Variants in NKAIN3 observed in about 807,000 individuals in gnomAD.
The protein encoded by NKAIN3 is sodium/potassium transporting ATPase interacting 3, also known as sodium/potassium-transporting ATPase subunit beta-1-interacting protein 3.
NKAIN3 carries 25 observed loss-of-function variants against 30.2 expected under a neutral mutation model. That is an observed-to-expected ratio of 0.83 (90% CI 0.60 to 1.16). NKAIN3 has a LOEUF of 1.16. NKAIN3 is among the 50% of genes most tolerant of loss of function. The probability of loss-of-function intolerance (pLI) is 0.00; values close to 1 mark genes in which losing one functional copy is unlikely to be tolerated. For synonymous variants in NKAIN3, 91 were observed against 89.6 expected, an observed-to-expected ratio of 1.02 and a Z score of -0.09; for missense variants, 225 against 254.1, an observed-to-expected ratio of 0.89 and a Z score of 0.78.
rs1805703705 is a variant in NKAIN3 at position 62,453,135 on chromosome 8, A to T, written c.55-126404A>T. Among the ~76,000 whole-genome samples the T allele has an allele frequency of 2.6e-5, 4 of 152,224 alleles. 1 individual carries two copies. The highest frequency in any genetic ancestry group is 2.1e-4 in the South Asian group (1 of 4,834). ...TTTAAAATAAGTTAAGCAATTATTT[A>T]AAAAGATGTATATAAACCTTTAGTT... On this transcript the variant is annotated intron_variant, in intron 1 of 6. Coordinates refer to ENST00000623646, the MANE Select transcript of NKAIN3 (RefSeq NM_001304533.3).
At chr8:62,814,359 T>A (rs2883012) in intron 4 of NKAIN3, among the ~76,000 whole-genome samples, 134,101 of 151,400 alleles carry the variant, frequency 0.89, 59,543 homozygotes, top group African/African-American at 0.91. Flanking sequence ...TTTTAAACAT[T>A]AACAATTTGG....
At chr8:62,622,202 G>T (rs1396721922) in intron 3 of NKAIN3, among the ~76,000 whole-genome samples, 2 of 151,890 alleles carry the variant, frequency 1.3e-5, no homozygotes, top group South Asian at 4.2e-4. Context: ...AGGATATCTT[G>T]GTTCTTTCAA....
chr8:62,915,045 A>T (rs889344052), intron 4 of NKAIN3, among the ~76,000 whole-genome samples: 1 of 151,822 alleles, frequency 6.6e-6, no homozygotes, highest in Non-Finnish European at 1.5e-5. Context: ...AGAACATGAG[A>T]TGTTTGGTTT....
chr8:62,585,986 A>T (rs1464495065), intron 2 of NKAIN3, among the ~76,000 whole-genome samples: 1 of 152,204 alleles, frequency 6.6e-6, no homozygotes, highest in African/African-American at 2.4e-5. Context: ...GCAGGTTTTA[A>T]CTCACATGCA....
intron 6 of NKAIN3, among the ~76,000 whole-genome samples, chr8:62,959,618 G>A (rs1183138913): frequency 1.3e-5 from 2 of 152,106 alleles, no homozygotes; most frequent in African/African-American, 4.8e-5. Flanking sequence ...TCCTTAATTA[G>A]CCTTCACATC....
intron 1 of NKAIN3, among the ~76,000 whole-genome samples, chr8:62,447,209 C>A (rs1168088108): frequency 1.3e-5 from 2 of 151,994 alleles, no homozygotes; most frequent in African/African-American, 4.8e-5. Flanking sequence ...CATGTGGCCA[C>A]CTTATCCCTT....
At chr8:62,741,159 G>A (rs1563540424) in intron 3 of NKAIN3, among the ~76,000 whole-genome samples, 1 of 152,048 alleles carries the variant, frequency 6.6e-6, no homozygotes, top group Admixed American at 6.6e-5. Flanking sequence ...AGAAAATTTA[G>A]TAGTCTTTTT....
At chr8:62,870,485 T>C (rs1446258774) in intron 4 of NKAIN3, among the ~76,000 whole-genome samples, 1 of 136,944 alleles carries the variant, frequency 7.3e-6, no homozygotes, top group Non-Finnish European at 1.5e-5. Flanking sequence ...GTATATAATG[T>C]ACAATAAGTA....
intron 1 of NKAIN3, among the ~76,000 whole-genome samples, chr8:62,501,922 G>C (rs187000442): frequency 6.6e-6 from 1 of 152,240 alleles, no homozygotes; most frequent in Admixed American, 6.5e-5. Context: ...TTTTCTCAGT[G>C]AATGCATTTT....
At chr8:62,460,124 A>C (rs888725341) in intron 1 of NKAIN3, among the ~76,000 whole-genome samples, 1 of 152,156 alleles carries the variant, frequency 6.6e-6, no homozygotes, top group Non-Finnish European at 1.5e-5. Flanking sequence ...GCAATAAGAA[A>C]ACTGGCAGCC....
Position 62,966,283 on chromosome 8 carries a change from A to C in NKAIN3, c.*876A>C. ...GCCTGAAAATGCTGTAGCATTCTCTATAAATACTTCTAAAGGAGACATTCA... is the reference window on the plus strand; with the variant it reads ...GCCTGAAAATGCTGTAGCATTCTCTCTAAATACTTCTAAAGGAGACATTCA... On this transcript the variant is annotated 3_prime_UTR_variant, in exon 7 of 7. Transcript: ENST00000623646. The C allele has an allele frequency of 1.0e-6, 1 of 985,082 alleles. No individual in the cohort carries two copies. Among genetic ancestry groups the C allele is most frequent in the Non-Finnish European group, 1.2e-6 (1 of 829,636 alleles). The allele number at this position is 985,082 out of a possible 1,614,324, so 61.0% of individuals were successfully genotyped here. A position where few individuals can be genotyped will look rare whatever the true frequency, so the allele number is the denominator to read the frequency against.
chr8:62,314,762 A>G lies in NKAIN3; in HGVS notation c.54+65635A>G, dbSNP rs6983161. 8.9e-3 allele frequency among the ~76,000 whole-genome samples: 1,363 copies of G among 152,294 alleles called. 30 individuals are homozygous for G. The highest frequency in any genetic ancestry group is 0.031 in the African/African-American group (1,288 of 41,572). ...CGTCTTTCTGAATAACATGTTTGCC[A>G]CCAATAATCAAAACACAGCTTACCT... On this transcript the variant is annotated intron_variant, in intron 1 of 6. Coordinates refer to ENST00000623646, the MANE Select transcript of NKAIN3 (RefSeq NM_001304533.3).
At chr8:62,852,093 T>G (rs1448668476) in intron 4 of NKAIN3, among the ~76,000 whole-genome samples, 1 of 152,180 alleles carries the variant, frequency 6.6e-6, no homozygotes, top group Non-Finnish European at 1.5e-5. Context: ...CCTGGACTTT[T>G]TTTGGTTGGT....
intron 1 of NKAIN3, among the ~76,000 whole-genome samples, chr8:62,352,207 A>C (rs973587692): frequency 2.0e-5 from 3 of 152,176 alleles, no homozygotes; most frequent in Non-Finnish European, 4.4e-5. Context: ...AGAGGTGCTG[A>C]GACACTTCTG....
chr8:62,681,209 A>G (rs763640489), intron 3 of NKAIN3, among the ~76,000 whole-genome samples: 4 of 152,196 alleles, frequency 2.6e-5, no homozygotes, highest in Non-Finnish European at 4.4e-5. Flanking sequence ...AATGCTAATA[A>G]TGCTTTAGAA....
chr8:62,870,233 TAGATATCTATAG>T (rs1563603872), intron 4 of NKAIN3, among the ~76,000 whole-genome samples: 12 of 141,458 alleles, frequency 8.5e-5, no homozygotes, highest in African/African-American at 3.3e-4. Context: ...TATCTATATA[TAGATATCTATAG>T]ATATCTATAT....
At chr8:62,685,125 C>T (rs1813757339) in intron 3 of NKAIN3, among the ~76,000 whole-genome samples, 1 of 152,144 alleles carries the variant, frequency 6.6e-6, no homozygotes, top group Admixed American at 6.5e-5. Flanking sequence ...CAATGGTTTT[C>T]TGCCCAAGAA....
In NKAIN3 at chr8:62,825,270, G is replaced by A. The variant is rs115431779; in HGVS notation, c.471+78141G>A. Reference sequence around the variant, plus strand: ...GAGTGATCTTATTTATAACTCCCATGGACTATTCTGTTTTACTAGACACAT... The same window carrying A: ...GAGTGATCTTATTTATAACTCCCATAGACTATTCTGTTTTACTAGACACAT... On this transcript the variant is annotated intron_variant, in intron 4 of 6. Transcript: ENST00000623646. Among the ~76,000 whole-genome samples, 417 of 152,254 alleles carry A rather than the reference G, an allele frequency of 2.7e-3. 3 individuals carry two copies. Among genetic ancestry groups the A allele is most frequent in the African/African-American group, 9.7e-3 (402 of 41,538 alleles).
At chr8:62,788,347 T>G (rs1326616347) in intron 4 of NKAIN3, among the ~76,000 whole-genome samples, 5 of 149,972 alleles carry the variant, frequency 3.3e-5, no homozygotes, top group Admixed American at 6.7e-5. Context: ...TTTTGAGAAG[T>G]GTCTGTTCAT....
Sources: gnomAD v4.1 joint callset for allele counts (sites outside exome capture counted in the v4.1 genomes callset) on GRCh38, gnomAD v4.1.1 for gene constraint, MANE v1.5 for transcripts, NCBI Gene and HGNC (gene_info 2026-07-23, HGNC 2026-07-21) for gene names.